The following KCNIP4 variants were observed in gnomAD, a reference collection of about 807,000 sequenced individuals.
KCNIP4 encodes the protein Kv channel-interacting protein 4.
A neutral mutation model predicts 34.0 loss-of-function variants in KCNIP4; 12 were observed. The ratio of observed to expected loss-of-function variants is 0.35; its 90% CI spans 0.23 to 0.57. KCNIP4 has a LOEUF of 0.57. Among genes scored for constraint, KCNIP4 ranks in the 20% least tolerant of loss-of-function variants. The pLI is 0.83. For missense variants in KCNIP4, 238 were observed against 311.7 expected (o/e 0.76, Z 1.78); for synonymous variants, 124 against 102.2 (o/e 1.21, Z -1.29).
intron 1 of KCNIP4, chr4:21,847,000 G>C (rs1366904610): frequency 6.6e-6 from 1 of 152,094 alleles, no homozygotes; most frequent in Non-Finnish European, 1.5e-5. Flanking sequence ...ATCCTGGGTA[G>C]ACAGGAACAA....
At chr4:21,359,652 A>T (rs1057459745) in intron 1 of KCNIP4, among the ~76,000 whole-genome samples, 1 of 152,134 alleles carries the variant, frequency 6.6e-6, no homozygotes. Context: ...AGGTAGTTCC[A>T]TTCTCTTAAA....
At chr4:21,218,315 T>C (rs1757757237) in intron 1 of KCNIP4, among the ~76,000 whole-genome samples, 1 of 152,108 alleles carries the variant, frequency 6.6e-6, no homozygotes, top group Non-Finnish European at 1.5e-5. Flanking sequence ...GCACCCAGCC[T>C]GTATAGTTTT....
chr4:21,203,196 G>T (rs1756613143), intron 1 of KCNIP4, among the ~76,000 whole-genome samples: 2 of 152,322 alleles, frequency 1.3e-5, no homozygotes, highest in African/African-American at 2.4e-5. Context: ...CTGCAATGTG[G>T]AATAGAAGGC....
At chr4:21,845,817 T>G (rs1381645537) in intron 1 of KCNIP4, 1 of 152,098 alleles carries the variant, frequency 6.6e-6, no homozygotes, top group Non-Finnish European at 1.5e-5. Context: ...CTCATTCGAC[T>G]TTGAAATATC....
At chr4:21,372,489 A>T (rs1250023907) in intron 1 of KCNIP4, among the ~76,000 whole-genome samples, 1 of 146,916 alleles carries the variant, frequency 6.8e-6, no homozygotes, top group Non-Finnish European at 1.5e-5. Flanking sequence ...TCCTTGTTAA[A>T]TAGCTTGTTA....
chr4:20,829,562 A>G (rs1462172634), intron 3 of KCNIP4, among the ~76,000 whole-genome samples: 2 of 152,144 alleles, frequency 1.3e-5, no homozygotes, highest in Admixed American at 1.3e-4. Context: ...CACAAAAATA[A>G]GAGGTGGGGC....
chr4:21,379,619 G>A (rs1030804301), intron 1 of KCNIP4, among the ~76,000 whole-genome samples: 9 of 152,092 alleles, frequency 5.9e-5, no homozygotes, highest in African/African-American at 9.7e-5. Context: ...TCACAGCAGT[G>A]ACATATAAAC....
intron 1 of KCNIP4, among the ~76,000 whole-genome samples, chr4:20,887,334 CA>C (rs1362962020): frequency 6.6e-6 from 1 of 151,066 alleles, no homozygotes; most frequent in Admixed American, 6.6e-5. Context: ...CAATAATGAC[CA>C]AAATATTCCA....
chr4:21,248,304 G>A (rs999701192), intron 1 of KCNIP4, among the ~76,000 whole-genome samples: 1 of 151,954 alleles, frequency 6.6e-6, no homozygotes, highest in African/African-American at 2.4e-5. Context: ...TCTTAGCTTG[G>A]TTGCTCGCCT....
chr4:21,780,551 AG>A (rs1034780305), intron 1 of KCNIP4, among the ~76,000 whole-genome samples: 1 of 152,084 alleles, frequency 6.6e-6, no homozygotes, highest in Non-Finnish European at 1.5e-5. Context: ...GCTAAACATA[AG>A]GGGGACTCAG....
chr4:21,837,455 A>T (rs1315529489), intron 1 of KCNIP4, among the ~76,000 whole-genome samples: 103 of 143,400 alleles, frequency 7.2e-4, no homozygotes, highest in African/African-American at 2.5e-3. Flanking sequence ...GAATCACTTG[A>T]ACCCGGAGGT....
chr4:21,650,241 G>T (rs1747377430), intron 1 of KCNIP4, among the ~76,000 whole-genome samples: 1 of 152,144 alleles, frequency 6.6e-6, no homozygotes, highest in Admixed American at 6.5e-5. Flanking sequence ...GCTAATTTTG[G>T]AATTTAAAAA....
intron 1 of KCNIP4, among the ~76,000 whole-genome samples, chr4:21,742,536 T>G (rs1473661886): frequency 6.6e-6 from 1 of 152,210 alleles, no homozygotes; most frequent in Non-Finnish European, 1.5e-5. Context: ...TTTCTAAGTA[T>G]GAATCAGCAT....
At chr4:20,755,702 G>C (rs577067208) in intron 4 of KCNIP4, among the ~76,000 whole-genome samples, 23 of 152,314 alleles carry the variant, frequency 1.5e-4, no homozygotes, top group Admixed American at 5.2e-4. Context: ...ATTTAAGATA[G>C]AGTGGTCAGG....
At position 21,674,312 on chromosome 4, in the gene KCNIP4, T is replaced by C. The variant is rs1000209311; in HGVS notation, c.61+274259A>G. ...CACCCATGTACATTTCTACCTTATA[T>C]ACAGGATCATTGGTGTGGGCTTTCT... is the stretch of plus-strand genomic sequence containing the variant. On this transcript the variant is annotated intron_variant, in intron 1 of 8. Transcript: ENST00000382152. Among the ~76,000 whole-genome samples, 4 of 152,156 alleles carry C rather than the reference T, an allele frequency of 2.6e-5. No homozygotes were observed. In the East Asian group the frequency reaches 7.7e-4, roughly 29 times the overall value.
At chr4:20,847,798 A>G (rs1325228433) in intron 3 of KCNIP4, among the ~76,000 whole-genome samples, 3 of 152,176 alleles carry the variant, frequency 2.0e-5, no homozygotes, top group African/African-American at 7.2e-5. Flanking sequence ...CACAAGTGTG[A>G]CCATTTTAAT....
intron 1 of KCNIP4, among the ~76,000 whole-genome samples, chr4:21,249,084 G>T (rs1452339257): frequency 6.6e-6 from 1 of 151,950 alleles, no homozygotes; most frequent in Non-Finnish European, 1.5e-5. Flanking sequence ...TAAAGTGTAA[G>T]GTAGAAATGA....
chr4:20,778,321 T>A (rs1027518427), intron 3 of KCNIP4, among the ~76,000 whole-genome samples: 2 of 152,206 alleles, frequency 1.3e-5, no homozygotes, highest in Non-Finnish European at 2.9e-5. Context: ...AATACAACCA[T>A]AACATTGACC....
chr4:21,531,344 TCC>T (rs1262218879), intron 1 of KCNIP4, among the ~76,000 whole-genome samples: 5 of 19,870 alleles, frequency 2.5e-4, no homozygotes, highest in Non-Finnish European at 4.7e-4. Context: ...TCCCTTCCCC[TCC>T]CCCTCCCTCC....
Sources: gnomAD v4.1 joint callset for allele counts (sites outside exome capture counted in the v4.1 genomes callset) on GRCh38, gnomAD v4.1.1 for gene constraint, MANE v1.5 for transcripts, NCBI Gene and HGNC (gene_info 2026-07-23, HGNC 2026-07-21) for gene names.